The following SIK2 variants were observed in gnomAD, a reference collection of about 807,000 sequenced individuals.
SIK2 encodes the protein salt inducible kinase 2.
Under a neutral mutation model 103.2 loss-of-function variants are expected in SIK2, and 29 were observed. The observed-to-expected ratio is 0.28, with a 90% confidence interval of 0.21 to 0.38. The LOEUF is 0.38. Among genes scored for constraint, SIK2 ranks in the 10% least tolerant of loss-of-function variants. SIK2 has a pLI of 1.00. For synonymous variants in SIK2, 412 were observed against 446.1 expected (o/e 0.92, Z 0.96); for missense variants, 879 against 1,171.0 (o/e 0.75, Z 3.64).
In SIK2 at chr11:111,670,457, G is replaced by T. The variant is rs117925716; in HGVS notation, c.317-17544G>T. On this transcript the variant is annotated intron_variant, in intron 3 of 14. Transcript: ENST00000304987. ...TATTTCAAAGAATCAAATCCAAAGGGATTGACAGATCACTGGGTTTTTCCA... is the reference window on the plus strand; with the variant it reads ...TATTTCAAAGAATCAAATCCAAAGGTATTGACAGATCACTGGGTTTTTCCA... 6.7e-3 allele frequency among the ~76,000 whole-genome samples: 1,013 copies of T among 152,330 alleles called. 8 individuals are homozygous for T. The highest frequency in any genetic ancestry group is 0.061 in the Middle Eastern group (18 of 294).
At chr11:111,640,879 C>T (rs531652387) in intron 3 of SIK2, among the ~76,000 whole-genome samples, 21 of 151,684 alleles carry the variant, frequency 1.4e-4, no homozygotes, top group African/African-American at 4.6e-4. Flanking sequence ...GGACTACAGG[C>T]CCCCGCTACC....
intron 3 of SIK2, among the ~76,000 whole-genome samples, chr11:111,678,357 A>G (rs1246239100): frequency 6.6e-6 from 1 of 152,212 alleles, no homozygotes; most frequent in Non-Finnish European, 1.5e-5. Flanking sequence ...AAGCATCGTG[A>G]GAGACACAAA....
chr11:111,672,337 C>G, intron 3 of SIK2: 1 of 471,210 alleles, frequency 2.1e-6, no homozygotes, highest in Non-Finnish European at 3.6e-6. Flanking sequence ...CGTGGAGGAG[C>G]AGCTGCTGAA....
chr11:111,701,618 G>A lies in SIK2; in HGVS notation c.727+43G>A, dbSNP rs767918276. 1.3e-6 allele frequency: 2 copies of A among 1,591,636 alleles called. No homozygotes were observed. The highest frequency in any genetic ancestry group is 1.7e-6 in the Non-Finnish European group (2 of 1,166,934). ...TTATTAATGGTGTTTTACAGTGTTAGTGCTCCAAGTGAAATGCCTAGGTAA... is the reference window on the plus strand; with the variant it reads ...TTATTAATGGTGTTTTACAGTGTTAATGCTCCAAGTGAAATGCCTAGGTAA... On this transcript the variant is annotated intron_variant, in intron 6 of 14. Transcript: ENST00000304987. This position sits in a 1 kb window ranked among gnomAD's most constrained non-coding sequence, Gnocchi z 4.2.
chr11:111,721,017 G>A lies in SIK2; in HGVS notation c.1899G>A (p.Ala633=), dbSNP rs560998655. 430 of 1,614,068 alleles carry A rather than the reference G, an allele frequency of 2.7e-4. 7 individuals are homozygous for A. In the South Asian group the frequency reaches 4.4e-3, roughly 16 times the overall value. Residue 633 remains alanine (A), a synonymous_variant, in exon 12 of 15, where the codon GCG becomes GCA. Transcript: ENST00000304987. The part of the protein sequence containing the change: ...QIGPEADPNL[A]PAAPQLQDLA... ...GACCGGAGGCAGACCCTAACCTGGC[G>A]CCGGCGGCTCCTCAGCTCCAGGACC...
Position 111,727,338 on chromosome 11 carries a change from A to G in SIK2, c.*3209A>G, listed in dbSNP as rs748575378. Reference sequence around the variant, plus strand: ...CTTCCATCCACTTTTGCCTCCTAGGAAAGAAAAAGTCAGTGGCCCTTTCTT... The same window carrying G: ...CTTCCATCCACTTTTGCCTCCTAGGGAAGAAAAAGTCAGTGGCCCTTTCTT... On this transcript the variant is annotated 3_prime_UTR_variant, in exon 15 of 15. Coordinates refer to ENST00000304987, the MANE Select transcript of SIK2 (RefSeq NM_015191.3). The G allele has an allele frequency of 2.1e-6, 1 of 471,024 alleles. No homozygotes were observed. The allele number at this position is 471,024 out of a possible 1,614,324, so 29.2% of individuals were successfully genotyped here. A position where few individuals can be genotyped will look rare whatever the true frequency, so the allele number is the denominator to read the frequency against.
intron 8 of SIK2, among the ~76,000 whole-genome samples, chr11:111,708,491 AG>A (rs1943411056): frequency 1.3e-5 from 2 of 152,240 alleles, no homozygotes; most frequent in African/African-American, 2.4e-5. Context: ...TATAACATGC[AG>A]GAAGTATTAG....
chr11:111,646,534 G>A (rs1264389885), intron 3 of SIK2, among the ~76,000 whole-genome samples: 1 of 152,096 alleles, frequency 6.6e-6, no homozygotes, highest in East Asian at 1.9e-4. Flanking sequence ...CCACAATCAA[G>A]ACAGTGAATG....
intron 3 of SIK2, among the ~76,000 whole-genome samples, chr11:111,655,085 A>C (rs1384839127): frequency 2.0e-5 from 3 of 152,216 alleles, no homozygotes; most frequent in Non-Finnish European, 4.4e-5. Context: ...ATAAATATAT[A>C]AATTTTAAAA....
At chr11:111,614,401 A>G (rs1053731540) in intron 1 of SIK2, among the ~76,000 whole-genome samples, 1 of 152,100 alleles carries the variant, frequency 6.6e-6, no homozygotes, top group African/African-American at 2.4e-5. Context: ...CCCAAAATTT[A>G]ACTAATAGCC....
Position 111,726,902 on chromosome 11 carries a change from T to A in SIK2, c.*2773T>A, listed in dbSNP as rs555841619. On this transcript the variant is annotated 3_prime_UTR_variant, in exon 15 of 15. Transcript: ENST00000304987. ...GATGAACGTGAGGTAAAAATTTCGT[T>A]CGGCAAAAAGTGCAATATGTGTGGT... 6.5e-6 allele frequency: 10 copies of A among 1,537,228 alleles called. No individual in the cohort carries two copies. Among genetic ancestry groups the A allele is most frequent in the Non-Finnish European group, 9.0e-6 (10 of 1,115,196 alleles).
chr11:111,708,785 G>C (rs915273282), intron 8 of SIK2, among the ~76,000 whole-genome samples: 1 of 151,920 alleles, frequency 6.6e-6, no homozygotes, highest in Non-Finnish European at 1.5e-5. Flanking sequence ...ATAGGGTCTT[G>C]CAATGTTGCC....
At chr11:111,689,544 A>G (rs903009553) in intron 4 of SIK2, among the ~76,000 whole-genome samples, 1 of 152,034 alleles carries the variant, frequency 6.6e-6, no homozygotes, top group Non-Finnish European at 1.5e-5. Context: ...GTGTGGGTTA[A>G]AAGCTTAGCA....
At chr11:111,615,028 A>C (rs1304322836) in intron 1 of SIK2, among the ~76,000 whole-genome samples, 2 of 152,070 alleles carry the variant, frequency 1.3e-5, no homozygotes, top group Non-Finnish European at 2.9e-5. Flanking sequence ...AATCCCAGCT[A>C]CTTGGGAAGC....
intron 1 of SIK2, among the ~76,000 whole-genome samples, chr11:111,615,345 A>G (rs918313810): frequency 6.6e-6 from 1 of 151,950 alleles, no homozygotes; most frequent in Non-Finnish European, 1.5e-5. Context: ...AGGCTAAATT[A>G]TGTTTAGAAT....
intron 3 of SIK2, among the ~76,000 whole-genome samples, chr11:111,646,476 A>T (rs1942259137): frequency 6.6e-6 from 1 of 152,172 alleles, no homozygotes; most frequent in Admixed American, 6.5e-5. Flanking sequence ...AAAATAAAGT[A>T]TTCAACTTGA....
chr11:111,720,853 G>A (rs368912230), intron 11 of SIK2, 46 bp from the exon 12 acceptor site: 8 of 1,600,540 alleles, frequency 5.0e-6, no homozygotes, highest in South Asian at 1.1e-5. Flanking sequence ...TCACTGAAAG[G>A]CCTTGTATTT....
At position 111,693,327 on chromosome 11, in the gene SIK2, G is replaced by A. The variant is rs534881062; in HGVS notation, c.478+5165G>A. ...CCAGCCTGGTGACAGAGGAGACTCC[G>A]TCTCAAAAAAAAAAAAAAAACTTGA... On this transcript the variant is annotated intron_variant, in intron 4 of 14. Transcript: ENST00000304987. 1.1e-4 allele frequency among the ~76,000 whole-genome samples: 16 copies of A among 146,666 alleles called. 1 individual carries two copies. In the South Asian group the frequency reaches 3.0e-3, roughly 28 times the overall value.
chr11:111,689,724 A>G (rs1343529623), intron 4 of SIK2, among the ~76,000 whole-genome samples: 1 of 152,198 alleles, frequency 6.6e-6, no homozygotes, highest in Non-Finnish European at 1.5e-5. Flanking sequence ...TATATGGTGT[A>G]AAATATAAGG....
Sources: gnomAD v4.1 joint callset for allele counts (sites outside exome capture counted in the v4.1 genomes callset) on GRCh38, gnomAD v4.1.1 for gene constraint, Gnocchi (gnomAD v3.1) non-coding constraint, MANE v1.5 for transcripts, NCBI Gene and HGNC (gene_info 2026-07-23, HGNC 2026-07-21) for gene names.